The following CSMD3 variants were observed in gnomAD, a reference collection of about 807,000 sequenced individuals.
CSMD3 encodes the protein CUB and sushi domain-containing protein 3.
Under a neutral mutation model 435.2 loss-of-function variants are expected in CSMD3, and 177 were observed. The ratio of observed to expected loss-of-function variants is 0.41; its 90% CI spans 0.36 to 0.46. CSMD3 has a LOEUF of 0.46. Among genes scored for constraint, CSMD3 ranks in the 20% least tolerant of loss-of-function variants. The probability of loss-of-function intolerance (pLI) is 0.34; values close to 1 mark genes in which losing one functional copy is unlikely to be tolerated. For missense variants in CSMD3, 4,265 were observed against 4,504.6 expected, an observed-to-expected ratio of 0.95 and a Z score of 1.52; for synonymous variants, 1,656 against 1,520.5, an observed-to-expected ratio of 1.09 and a Z score of -2.07.
At chr8:112,967,893 A>T (rs113447445) in intron 7 of CSMD3, among the ~76,000 whole-genome samples, 13 of 151,994 alleles carry the variant, frequency 8.6e-5, no homozygotes, top group African/African-American at 3.1e-4. Flanking sequence ...GTAAAGAGAA[A>T]AAAGAAAAAC....
chr8:112,959,238 T>C (rs1198906150), intron 7 of CSMD3, among the ~76,000 whole-genome samples: 1 of 152,008 alleles, frequency 6.6e-6, no homozygotes, highest in African/African-American at 2.4e-5. Flanking sequence ...TGCATGGGGC[T>C]CTCTTAGAAG....
Position 112,712,946 on chromosome 8 carries a change from G to A in CSMD3, c.1973-22896C>T, listed in dbSNP as rs78196761. On this transcript the variant is annotated intron_variant, in intron 13 of 70. Coordinates refer to ENST00000297405, the MANE Select transcript of CSMD3 (RefSeq NM_198123.2). ...CTGTCCTTAAAAATAGATTCTAAGG[G>A]GCAGGGCCAAGATGGCTTACTAGAA... is the stretch of plus-strand genomic sequence containing the variant. Among the ~76,000 whole-genome samples, 345 of 152,212 alleles carry A rather than the reference G, an allele frequency of 2.3e-3. 1 individual carries two copies. Among genetic ancestry groups the A allele is most frequent in the African/African-American group, 8.0e-3 (333 of 41,558 alleles).
rs1479485235 is a variant in CSMD3 at position 112,291,482 on chromosome 8, C to G, written c.8974+28G>C. On this transcript the variant is annotated intron_variant, in intron 56 of 70. Transcript: ENST00000297405. Reference sequence around the variant, plus strand: ...TCCTATGGTTTCCATGACATGTTCTCAAGAAACAATTCACATTATCTACTT... The same window carrying G: ...TCCTATGGTTTCCATGACATGTTCTGAAGAAACAATTCACATTATCTACTT... The G allele has an allele frequency of 2.7e-6, 4 of 1,495,990 alleles. No individual in the cohort carries two copies. The South Asian group carries it at 3.4e-5, about 13-fold the overall frequency. 92.7% of individuals were successfully genotyped at this position (1,495,990 alleles called of 1,614,324 possible). A position where few individuals can be genotyped will look rare whatever the true frequency, so the allele number is the denominator to read the frequency against.
intron 36 of CSMD3, among the ~76,000 whole-genome samples, chr8:112,387,998 T>C (rs1434855006): frequency 6.6e-6 from 1 of 152,120 alleles, no homozygotes; most frequent in East Asian, 1.9e-4. Context: ...CATTGAAATA[T>C]GATGGAGAAC....
At position 112,472,578 on chromosome 8, in the gene CSMD3, G is replaced by C. The variant is rs756384407; in HGVS notation, c.5395+13C>G. 5.3e-6 allele frequency: 7 copies of C among 1,330,714 alleles called. No individual in the cohort carries two copies. Among genetic ancestry groups the C allele is most frequent in the Non-Finnish European group, 7.6e-6 (7 of 921,606 alleles). 82.4% of individuals were successfully genotyped at this position (1,330,714 alleles called of 1,614,324 possible). ...TGGATGAAATACTACATAATGAGTC[G>C]AATCTTACTTACCAAACTCCTTTGG... On this transcript the variant is annotated intron_variant, in intron 32 of 70. Coordinates refer to ENST00000297405, the MANE Select transcript of CSMD3 (RefSeq NM_198123.2).
In CSMD3 at chr8:112,750,295, A is replaced by G. The variant is rs2077537758; in HGVS notation, c.1972+49867T>C. Among the ~76,000 whole-genome samples the G allele has an allele frequency of 2.6e-5, 4 of 151,518 alleles. No homozygotes were observed. In the South Asian group the frequency reaches 8.3e-4, roughly 31 times the overall value. On this transcript the variant is annotated intron_variant, in intron 13 of 70. Coordinates refer to ENST00000297405, the MANE Select transcript of CSMD3 (RefSeq NM_198123.2). ...ATTATTGTATAAAATGTATAATTTTATAACTAATTTTATAAGTATAATTCC... is the reference window on the plus strand; with the variant it reads ...ATTATTGTATAAAATGTATAATTTTGTAACTAATTTTATAAGTATAATTCC...
At chr8:112,769,548 A>G (rs2078060739) in intron 13 of CSMD3, among the ~76,000 whole-genome samples, 1 of 152,112 alleles carries the variant, frequency 6.6e-6, no homozygotes, top group African/African-American at 2.4e-5. Flanking sequence ...TATGAATACC[A>G]TGAAAATATT....
intron 1 of CSMD3, among the ~76,000 whole-genome samples, chr8:113,351,379 C>A (rs2094189296): frequency 6.6e-6 from 1 of 151,864 alleles, no homozygotes. Flanking sequence ...CAAATATGTA[C>A]AATAAAAGCA....
In CSMD3 at chr8:112,636,803, A is replaced by C. The variant is rs772894640; in HGVS notation, c.3715+14T>G. On this transcript the variant is annotated intron_variant, in intron 22 of 70. Coordinates refer to ENST00000297405, the MANE Select transcript of CSMD3 (RefSeq NM_198123.2). ...ACTACACATACAAGCAAATGAAAGC[A>C]GCTGACCACGTACCCACACACCTTG... 2 of 1,609,910 alleles carry C rather than the reference A, an allele frequency of 1.2e-6. No homozygotes were observed. Among genetic ancestry groups the C allele is most frequent in the South Asian group, 2.2e-5 (2 of 90,994 alleles).
At chr8:112,642,060 C>T (rs1251777513) in intron 20 of CSMD3, among the ~76,000 whole-genome samples, 1 of 151,578 alleles carries the variant, frequency 6.6e-6, no homozygotes, top group Admixed American at 6.6e-5. Context: ...TTCAAGATGC[C>T]CAATAAAGGT....
intron 31 of CSMD3, among the ~76,000 whole-genome samples, chr8:112,491,952 T>C (rs987643552): frequency 1.3e-5 from 2 of 152,140 alleles, no homozygotes; most frequent in African/African-American, 4.8e-5. Flanking sequence ...TCCTTTCTTA[T>C]ATAGAGAGAG....
At chr8:112,297,258 A>G (rs2130727324) in intron 53 of CSMD3, among the ~76,000 whole-genome samples, 1 of 151,382 alleles carries the variant, frequency 6.6e-6, no homozygotes, top group Non-Finnish European at 1.5e-5. Flanking sequence ...TCAAAAAAAA[A>G]AAAAAAAATT....
chr8:113,221,463 G>C (rs537469839), intron 3 of CSMD3, among the ~76,000 whole-genome samples: 1 of 150,654 alleles, frequency 6.6e-6, no homozygotes, highest in African/African-American at 2.4e-5. Flanking sequence ...AGGCTACATG[G>C]TTATTTTTTT....
intron 58 of CSMD3, among the ~76,000 whole-genome samples, chr8:112,283,784 A>C (rs16883363): frequency 0.038 from 5,716 of 151,802 alleles, 190 homozygotes; most frequent in East Asian, 0.15. Flanking sequence ...TCTGTACATT[A>C]GTTCTATGTT....
chr8:113,264,860 G>A (rs372487992), intron 3 of CSMD3, among the ~76,000 whole-genome samples: 2 of 151,414 alleles, frequency 1.3e-5, no homozygotes, highest in East Asian at 1.9e-4. Flanking sequence ...ATTCCTTAAC[G>A]TAGGAGATGT....
At chr8:113,389,961 A>G (rs958716027) in intron 1 of CSMD3, among the ~76,000 whole-genome samples, 1 of 151,672 alleles carries the variant, frequency 6.6e-6, no homozygotes, top group African/African-American at 2.4e-5. Flanking sequence ...TCTTTCTGAC[A>G]TTATTGCTAT....
At chr8:112,255,224 T>A in intron 62 of CSMD3, 30 bp downstream of exon 62, 1 of 1,565,804 alleles carries the variant, frequency 6.4e-7, no homozygotes. Context: ...ACACAGTTAC[T>A]GTGCATAATC....
At chr8:113,145,673 C>T (rs1327044515) in intron 4 of CSMD3, among the ~76,000 whole-genome samples, 1 of 151,540 alleles carries the variant, frequency 6.6e-6, no homozygotes, top group African/African-American at 2.4e-5. Context: ...TGAATAAAGT[C>T]CAAAACATTG....
chr8:112,532,226 T>C (rs1825612767), intron 27 of CSMD3, among the ~76,000 whole-genome samples: 1 of 149,700 alleles, frequency 6.7e-6, no homozygotes, highest in Non-Finnish European at 1.5e-5. Flanking sequence ...ATTTAGAAAA[T>C]GGCTTCAAGA....
Sources: gnomAD v4.1 joint callset for allele counts (sites outside exome capture counted in the v4.1 genomes callset) on GRCh38, gnomAD v4.1.1 for gene constraint, MANE v1.5 for transcripts, NCBI Gene and HGNC (gene_info 2026-07-23, HGNC 2026-07-21) for gene names.